Variants in CAMTA1 observed in about 807,000 individuals in gnomAD.
CAMTA1 encodes the protein calmodulin binding transcription activator 1.
A neutral mutation model predicts 170.9 loss-of-function variants in CAMTA1; 27 were observed. The ratio of observed to expected loss-of-function variants is 0.16; its 90% CI spans 0.12 to 0.22. The LOEUF is 0.22. Among genes scored for constraint, CAMTA1 ranks in the 10% least tolerant of loss-of-function variants. The pLI, the probability that CAMTA1 is intolerant of heterozygous loss-of-function variation, is 1.00. For missense variants in CAMTA1, 1,619 were observed against 2,217.2 expected, an observed-to-expected ratio of 0.73 and a Z score of 5.42; for synonymous variants, 833 against 891.5, an observed-to-expected ratio of 0.93 and a Z score of 1.17.
Position 7,737,293 on chromosome 1 carries a change from C to T in CAMTA1, c.3381C>T (p.Val1127=), listed in dbSNP as rs61746009. The stretch of plus-strand genomic sequence containing the variant: ...CCCTAGGGCACTTGGAAGCTGCCGT[C>T]GTGCTGTACAAGTGGGACCGTCGGG... The part of the protein sequence containing the change: ...ACALGHLEAA[V]VLYKWDRRAI... The change falls in exon 15 of 23, where the codon GTC becomes GTT. Residue 1127 remains valine, a synonymous_variant. Transcript: ENST00000303635. 1.1e-5 allele frequency: 17 copies of T among 1,614,102 alleles called. No homozygotes were observed. Among genetic ancestry groups the T allele is most frequent in the African/African-American group, 2.7e-5 (2 of 75,050 alleles).
chr1:6,890,568 C>CTT lies in CAMTA1; in HGVS notation c.234+65370_234+65371dup, dbSNP rs796766815. Among the ~76,000 whole-genome samples the CTT allele has an allele frequency of 8.8e-4, 125 of 141,362 alleles. 2 individuals are homozygous for CTT. Among genetic ancestry groups the CTT allele is most frequent in the Middle Eastern group, 3.6e-3 (1 of 274 alleles). 92.7% of individuals were successfully genotyped at this position (141,362 alleles called of 152,430 possible). On this transcript the variant is annotated intron_variant, in intron 3 of 22. Coordinates refer to ENST00000303635, the MANE Select transcript of CAMTA1 (RefSeq NM_015215.4). ...CCCACTTAGGCTCTTGGACAGTTTT[C>CTT]TTTTTTTTTTTTTGTTGAGGTGAAG...
chr1:7,096,440 G>A (rs1276384611), intron 4 of CAMTA1, among the ~76,000 whole-genome samples: 1 of 152,070 alleles, frequency 6.6e-6, no homozygotes, highest in Non-Finnish European at 1.5e-5. Flanking sequence ...CCCCACATCC[G>A]ACTCTGTCTC....
intron 16 of CAMTA1, among the ~76,000 whole-genome samples, chr1:7,744,011 T>C (rs1289422121): frequency 4.0e-5 from 6 of 151,566 alleles, no homozygotes; most frequent in Non-Finnish European, 8.8e-5. Context: ...TATTTTTTAA[T>C]AGAGACGGGG....
At chr1:7,312,664 G>A (rs958141196) in intron 5 of CAMTA1, among the ~76,000 whole-genome samples, 4 of 152,140 alleles carry the variant, frequency 2.6e-5, no homozygotes, top group Non-Finnish European at 5.9e-5. Context: ...CACTTTCCAG[G>A]TGCTGTCCTC....
rs1461344073 is a variant in CAMTA1 at position 7,301,741 on chromosome 1, G to A, written c.438+52115G>A. Among the ~76,000 whole-genome samples, 4 of 152,214 alleles carry A rather than the reference G, an allele frequency of 2.6e-5. No individual in the cohort carries two copies. The East Asian group carries it at 7.7e-4, about 29-fold the overall frequency. On this transcript the variant is annotated intron_variant, in intron 5 of 22. Transcript: ENST00000303635. ...GGTCCGGGGTGCTCCTGGGATGCCT[G>A]CTGCAGAGATGCTTTTCTCTCTAGC... is the stretch of plus-strand genomic sequence containing the variant.
chr1:6,884,088 C>T (rs2149089229), intron 3 of CAMTA1, among the ~76,000 whole-genome samples: 2 of 152,090 alleles, frequency 1.3e-5, no homozygotes, highest in Middle Eastern at 3.4e-3. Context: ...AGGATTATCA[C>T]AGGGGAAGTG....
At chr1:6,835,192 G>A (rs1652449924) in intron 3 of CAMTA1, among the ~76,000 whole-genome samples, 5 of 152,206 alleles carry the variant, frequency 3.3e-5, no homozygotes, top group Admixed American at 2.6e-4. Flanking sequence ...GCTATTTCCT[G>A]AAACTGCTTT....
chr1:7,311,501 G>A (rs1676724964), intron 5 of CAMTA1, among the ~76,000 whole-genome samples: 2 of 152,018 alleles, frequency 1.3e-5, no homozygotes, highest in South Asian at 4.2e-4. Flanking sequence ...TTTGTTTTTA[G>A]AGTGTTTACC....
intron 3 of CAMTA1, among the ~76,000 whole-genome samples, chr1:6,937,947 T>C (rs988583252): frequency 6.6e-6 from 1 of 152,240 alleles, no homozygotes; most frequent in African/African-American, 2.4e-5. Flanking sequence ...TCACTTCTTA[T>C]GTACCAGACC....
chr1:7,335,137 TGTGGGGGGGGGGGGGGGGG>T (rs2083282375), intron 5 of CAMTA1, among the ~76,000 whole-genome samples: 2 of 35,774 alleles, frequency 5.6e-5, no homozygotes, highest in Non-Finnish European at 1.6e-4. Context: ...TGTGTGTGTG[TGTGGGGGGGGGGGGGGGGG>T]GTGGGGGTGG....
chr1:6,928,614 C>T (rs1683798481), intron 3 of CAMTA1, among the ~76,000 whole-genome samples: 2 of 152,134 alleles, frequency 1.3e-5, no homozygotes, highest in African/African-American at 4.8e-5. Context: ...GAGCCTGCTG[C>T]CTCACTCCTC....
intron 3 of CAMTA1, among the ~76,000 whole-genome samples, chr1:6,982,936 T>G (rs1694690502): frequency 6.6e-6 from 1 of 152,112 alleles, no homozygotes; most frequent in South Asian, 2.1e-4. Context: ...CACTCTCCCA[T>G]GAAGGAGTGA....
rs1353573725 is a variant in CAMTA1, at chr1:7,767,623, T to G, written c.*1132T>G. 1.3e-5 allele frequency: 2 copies of G among 152,754 alleles called. No homozygotes were observed. Among genetic ancestry groups the G allele is most frequent in the East Asian group, 3.7e-4 (2 of 5,334 alleles). The allele number at this position is 152,754 out of a possible 1,614,324, so 9.5% of individuals were successfully genotyped here. Reference sequence around the variant, plus strand: ...GCAAGATAAAATTATTTGTATAGTTTTGTCTGAATGAGCGAGAAAAATGTG... The same window carrying G: ...GCAAGATAAAATTATTTGTATAGTTGTGTCTGAATGAGCGAGAAAAATGTG... On this transcript the variant is annotated 3_prime_UTR_variant, in exon 23 of 23. Coordinates refer to ENST00000303635, the MANE Select transcript of CAMTA1 (RefSeq NM_015215.4).
chr1:7,634,446 C>A lies in CAMTA1; in HGVS notation c.511-5954C>A, dbSNP rs1327971008. ...ATGGGAAGTCATGGGGATTTTGAGGCCTTCGAGGGGTGCCGTCAACAGGCA... is the reference window on the plus strand; with the variant it reads ...ATGGGAAGTCATGGGGATTTTGAGGACTTCGAGGGGTGCCGTCAACAGGCA... On this transcript the variant is annotated intron_variant, in intron 6 of 22. Transcript: ENST00000303635. This position sits in a 1 kb window ranked among gnomAD's most constrained non-coding sequence, Gnocchi z 6.2. Among the ~76,000 whole-genome samples the A allele has an allele frequency of 8.6e-5, 13 of 151,912 alleles. No individual in the cohort carries two copies. Among genetic ancestry groups the A allele is most frequent in the Admixed American group, 8.5e-4 (13 of 15,252 alleles).
chr1:7,584,070 C>T (rs559284455), intron 6 of CAMTA1, among the ~76,000 whole-genome samples: 1 of 152,230 alleles, frequency 6.6e-6, no homozygotes, highest in African/African-American at 2.4e-5. Flanking sequence ...GGGGACTCTG[C>T]TAGAGGAATC....
chr1:7,680,593 C>G lies in CAMTA1; in HGVS notation c.2914+2860C>G, dbSNP rs935460962. Among the ~76,000 whole-genome samples the G allele has an allele frequency of 6.6e-6, 1 of 151,926 alleles. No homozygotes were observed. Among genetic ancestry groups the G allele is most frequent in the Non-Finnish European group, 1.5e-5 (1 of 67,944 alleles). On this transcript the variant is annotated intron_variant, in intron 11 of 22. Coordinates refer to ENST00000303635, the MANE Select transcript of CAMTA1 (RefSeq NM_015215.4). This position sits in a 1 kb window ranked among gnomAD's most constrained non-coding sequence, Gnocchi z 4.4. ...CCGCGGGACTAGGAAGGCCTGAGCCCGGCCACCCGCCTCCGAGTGCGCCGC... is the reference window on the plus strand; with the variant it reads ...CCGCGGGACTAGGAAGGCCTGAGCCGGGCCACCCGCCTCCGAGTGCGCCGC...
intron 6 of CAMTA1, among the ~76,000 whole-genome samples, chr1:7,579,390 G>A (rs1174016064): frequency 6.6e-6 from 1 of 152,142 alleles, no homozygotes; most frequent in African/African-American, 2.4e-5. Flanking sequence ...GTGGGCTTGG[G>A]GAACCTCATG....
intron 6 of CAMTA1, among the ~76,000 whole-genome samples, chr1:7,480,409 G>T (rs2093507567): frequency 1.3e-5 from 2 of 151,862 alleles, no homozygotes; most frequent in Admixed American, 1.3e-4. Flanking sequence ...GTGTGTGTGT[G>T]TGTGTGTGAG....
chr1:7,192,336 G>T (rs1205201222), intron 4 of CAMTA1, among the ~76,000 whole-genome samples: 1 of 152,234 alleles, frequency 6.6e-6, no homozygotes, highest in Non-Finnish European at 1.5e-5. Context: ...CATGACGCTT[G>T]GCCTTTGGTT....
Sources: gnomAD v4.1 joint callset for allele counts (sites outside exome capture counted in the v4.1 genomes callset) on GRCh38, gnomAD v4.1.1 for gene constraint, Gnocchi (gnomAD v3.1) non-coding constraint, MANE v1.5 for transcripts, NCBI Gene and HGNC (gene_info 2026-07-23, HGNC 2026-07-21) for gene names.